The following NEGR1 variants were observed in gnomAD, a reference collection of about 807,000 sequenced individuals.
NEGR1 encodes the protein neuronal growth regulator 1.
A neutral mutation model predicts 40.9 loss-of-function variants in NEGR1; 10 were observed. That is an observed-to-expected ratio of 0.24 (90% CI 0.15 to 0.42). NEGR1 has a LOEUF of 0.42. NEGR1 is among the 10% of genes least tolerant of loss of function. NEGR1 has a pLI of 1.00. For synonymous variants in NEGR1, 185 were observed against 166.8 expected (o/e 1.11, Z -0.84); for missense variants, 352 against 438.9 (o/e 0.80, Z 1.77).
chr1:72,003,498 A>G (rs1007461156), intron 1 of NEGR1, among the ~76,000 whole-genome samples: 1 of 152,142 alleles, frequency 6.6e-6, no homozygotes, highest in African/African-American at 2.4e-5. Flanking sequence ...TAAAGACATT[A>G]ACAAAATAAA....
At chr1:71,910,580 C>T (rs576429561) in intron 2 of NEGR1, among the ~76,000 whole-genome samples, 8 of 152,158 alleles carry the variant, frequency 5.3e-5, no homozygotes, top group Non-Finnish European at 1.2e-4. Context: ...CCTACCATTA[C>T]TGTTAATTAA....
chr1:71,820,567 G>T (rs1658390999), intron 2 of NEGR1, among the ~76,000 whole-genome samples: 1 of 151,934 alleles, frequency 6.6e-6, no homozygotes, highest in South Asian at 2.1e-4. Flanking sequence ...GCATATAGGG[G>T]ACATATGACA....
chr1:71,850,382 C>T (rs1035207833), intron 2 of NEGR1, among the ~76,000 whole-genome samples: 6 of 151,974 alleles, frequency 3.9e-5, no homozygotes, highest in African/African-American at 1.2e-4. Context: ...TCTTGAGTTC[C>T]TGGGCTCAAG....
chr1:72,172,526 T>C (rs151332712), intron 1 of NEGR1, among the ~76,000 whole-genome samples: 92 of 152,270 alleles, frequency 6.0e-4, no homozygotes, highest in Non-Finnish European at 1.1e-3. Flanking sequence ...CACTTCACAA[T>C]AGGTTTAAAA....
At chr1:71,567,853 T>TAG (rs1427097062) in intron 6 of NEGR1, among the ~76,000 whole-genome samples, 1 of 151,334 alleles carries the variant, frequency 6.6e-6, no homozygotes. Context: ...TTTTATAAGA[T>TAG]AGACCCCAGG....
At chr1:71,795,949 A>G (rs1385971431) in intron 2 of NEGR1, among the ~76,000 whole-genome samples, 1 of 152,138 alleles carries the variant, frequency 6.6e-6, no homozygotes, top group Non-Finnish European at 1.5e-5. Flanking sequence ...GATCATTTCA[A>G]AGGCCTCATT....
At chr1:71,886,583 C>T (rs1660731234) in intron 2 of NEGR1, among the ~76,000 whole-genome samples, 1 of 152,106 alleles carries the variant, frequency 6.6e-6, no homozygotes, top group South Asian at 2.1e-4. Flanking sequence ...GAACAGTCAC[C>T]CCTACTTTTT....
chr1:71,718,722 T>A (rs1250076878), intron 3 of NEGR1, among the ~76,000 whole-genome samples: 4 of 152,218 alleles, frequency 2.6e-5, no homozygotes, highest in African/African-American at 7.2e-5. Context: ...GCCATTTTTT[T>A]AATACAATCA....
chr1:71,619,869 C>A (rs1650556431), intron 4 of NEGR1, among the ~76,000 whole-genome samples: 3 of 151,992 alleles, frequency 2.0e-5, no homozygotes, highest in Non-Finnish European at 4.4e-5. Flanking sequence ...CACTTGGCAC[C>A]CAACAAGCCT....
At chr1:71,809,748 G>C (rs1215379835) in intron 2 of NEGR1, among the ~76,000 whole-genome samples, 2 of 152,106 alleles carry the variant, frequency 1.3e-5, no homozygotes, top group African/African-American at 4.8e-5. Context: ...GTGTGTATGT[G>C]TGTGTATGTG....
intron 6 of NEGR1, chr1:71,484,915 T>C (rs148078296): frequency 1.1e-4 from 16 of 151,790 alleles, no homozygotes; most frequent in African/African-American, 3.4e-4. Flanking sequence ...TTGGTTCAAA[T>C]TTTTCCTTAT....
At chr1:71,926,347 A>G (rs922457045) in intron 2 of NEGR1, among the ~76,000 whole-genome samples, 3 of 93,404 alleles carry the variant, frequency 3.2e-5, no homozygotes, top group Non-Finnish European at 6.5e-5. Context: ...TGAAAACTTG[A>G]AAAAAAAAAG....
At chr1:72,041,553 A>G (rs1365447356) in intron 1 of NEGR1, among the ~76,000 whole-genome samples, 1 of 151,174 alleles carries the variant, frequency 6.6e-6, no homozygotes, top group African/African-American at 2.4e-5. Context: ...GCACCCCCAC[A>G]AAGAGACAGG....
At chr1:71,762,551 A>G (rs1447240668) in intron 3 of NEGR1, among the ~76,000 whole-genome samples, 1 of 152,156 alleles carries the variant, frequency 6.6e-6, no homozygotes, top group Non-Finnish European at 1.5e-5. Context: ...AAAATATTCT[A>G]TAATATTTGA....
At chr1:71,705,223 C>T (rs981129707) in intron 3 of NEGR1, among the ~76,000 whole-genome samples, 5 of 151,990 alleles carry the variant, frequency 3.3e-5, no homozygotes, top group African/African-American at 1.2e-4. Context: ...ACCTATATCT[C>T]GTACTTTATA....
chr1:71,534,897 A>C (rs1007843731), intron 6 of NEGR1, among the ~76,000 whole-genome samples: 1 of 151,606 alleles, frequency 6.6e-6, no homozygotes, highest in East Asian at 2.0e-4. Flanking sequence ...AATTTAACAA[A>C]ATTTTAAATA....
intron 2 of NEGR1, among the ~76,000 whole-genome samples, chr1:71,837,746 T>C (rs1304764665): frequency 1.3e-5 from 2 of 152,134 alleles, no homozygotes; most frequent in South Asian, 2.1e-4. Flanking sequence ...ACAACCTTAA[T>C]TAACATCTAT....
intron 1 of NEGR1, among the ~76,000 whole-genome samples, chr1:72,175,840 T>C (rs1652145005): frequency 6.6e-6 from 1 of 152,124 alleles, no homozygotes; most frequent in African/African-American, 2.4e-5. Flanking sequence ...AACTGGCATA[T>C]TCCACAAACT....
At chr1:71,991,782 A>ATTTGTTTG (rs570471295) in intron 1 of NEGR1, among the ~76,000 whole-genome samples, 5 of 151,904 alleles carry the variant, frequency 3.3e-5, no homozygotes, top group African/African-American at 1.2e-4. Flanking sequence ...TGAGTATAGT[A>ATTTGTTTG]TTTGTTTGTT....
Sources: allele counts gnomAD v4.1 joint callset (sites outside exome capture counted in the v4.1 genomes callset), GRCh38; gene constraint gnomAD v4.1.1; transcripts MANE v1.5; gene names NCBI Gene and HGNC (gene_info 2026-07-23, HGNC 2026-07-21).